The following KCNMB2 variants were observed in gnomAD, a reference collection of about 807,000 sequenced individuals.
The protein encoded by KCNMB2 is potassium calcium-activated channel subfamily M regulatory beta subunit 2.
A neutral mutation model predicts 24.5 loss-of-function variants in KCNMB2; 9 were observed. That is an observed-to-expected ratio of 0.37 (90% CI 0.22 to 0.64). KCNMB2 has a LOEUF of 0.64. Ranked by LOEUF, KCNMB2 falls within the 30% of genes least tolerant of loss-of-function variation. The pLI, the probability that KCNMB2 is intolerant of heterozygous loss-of-function variation, is 0.63. For missense variants in KCNMB2, 226 were observed against 284.3 expected (o/e 0.79, Z 1.47); for synonymous variants, 109 against 104.4 (o/e 1.04, Z -0.27).
intron 2 of KCNMB2, among the ~76,000 whole-genome samples, chr3:178,807,845 A>G (rs1714035738): frequency 6.6e-6 from 1 of 152,140 alleles, no homozygotes; most frequent in African/African-American, 2.4e-5. Context: ...CTCAATAAAT[A>G]CTGAGCACCA....
At chr3:178,630,710 T>C (rs1719289412) in intron 1 of KCNMB2, among the ~76,000 whole-genome samples, 1 of 152,210 alleles carries the variant, frequency 6.6e-6, no homozygotes, top group South Asian at 2.1e-4. Context: ...TTTCTTGTCT[T>C]CCCCATCTCT....
intron 1 of KCNMB2, among the ~76,000 whole-genome samples, chr3:178,631,757 T>G (rs1220057979): frequency 2.0e-5 from 3 of 152,222 alleles, no homozygotes; most frequent in Non-Finnish European, 4.4e-5. Context: ...TCAGCTTGTT[T>G]TGCCACTCCT....
Position 178,582,516 on chromosome 3 carries a change from G to GA in KCNMB2, c.-68+45812dup, listed in dbSNP as rs200669685. 7.0e-3 allele frequency among the ~76,000 whole-genome samples: 1,061 copies of GA among 151,954 alleles called. 12 individuals are homozygous for GA. The highest frequency in any genetic ancestry group is 0.024 in the African/African-American group (1,007 of 41,480). On this transcript the variant is annotated intron_variant, in intron 1 of 4. Transcript: ENST00000452583. ...CCAGAACTTAGAGTATAGAAAAATA[G>GA]AAAAAAATCAGATAAGGAGCATAAC...
At chr3:178,730,406 C>A (rs1723107813) in intron 1 of KCNMB2, among the ~76,000 whole-genome samples, 1 of 49,548 alleles carries the variant, frequency 2.0e-5, no homozygotes, top group South Asian at 7.5e-4. Flanking sequence ...TCCCCCAACA[C>A]CCCCCCACAC....
intron 1 of KCNMB2, among the ~76,000 whole-genome samples, chr3:178,633,433 G>A (rs1489543254): frequency 6.6e-6 from 1 of 152,220 alleles, no homozygotes; most frequent in Non-Finnish European, 1.5e-5. Context: ...CTTGACTTCT[G>A]TGCACCTGCA....
chr3:178,800,225 A>G (rs1713721869), intron 1 of KCNMB2, among the ~76,000 whole-genome samples: 1 of 152,158 alleles, frequency 6.6e-6, no homozygotes, highest in South Asian at 2.1e-4. Context: ...AAAAGAATCA[A>G]CAAAGTGAAG....
intron 1 of KCNMB2, among the ~76,000 whole-genome samples, chr3:178,630,995 T>A (rs909564097): frequency 2.0e-4 from 31 of 152,172 alleles, no homozygotes; most frequent in African/African-American, 7.2e-4. Flanking sequence ...TTCGAATATG[T>A]TAGGCATTAT....
chr3:178,707,417 G>A (rs971493634), intron 1 of KCNMB2, among the ~76,000 whole-genome samples: 1 of 152,066 alleles, frequency 6.6e-6, no homozygotes, highest in African/African-American at 2.4e-5. Flanking sequence ...GTTGCAGTTG[G>A]TACTCTGAAG....
chr3:178,717,596 A>G (rs1009386828), intron 1 of KCNMB2, among the ~76,000 whole-genome samples: 1 of 152,164 alleles, frequency 6.6e-6, no homozygotes, highest in Non-Finnish European at 1.5e-5. Context: ...ATTAAGTGTG[A>G]TAACTGACTC....
intron 1 of KCNMB2, among the ~76,000 whole-genome samples, chr3:178,586,031 T>C (rs1717416745): frequency 6.6e-6 from 1 of 152,186 alleles, no homozygotes; most frequent in Admixed American, 6.5e-5. Context: ...GAAAACTTAG[T>C]AAGATTGTAA....
chr3:178,838,150 T>C (rs552265327), intron 4 of KCNMB2, among the ~76,000 whole-genome samples: 1 of 152,308 alleles, frequency 6.6e-6, no homozygotes, highest in South Asian at 2.1e-4. Flanking sequence ...GTTAAAGAAA[T>C]GATCAGGGCA....
At chr3:178,689,518 C>T (rs1213258494) in intron 1 of KCNMB2, among the ~76,000 whole-genome samples, 1 of 152,010 alleles carries the variant, frequency 6.6e-6, no homozygotes, top group East Asian at 1.9e-4. Context: ...CGCCTGTAGA[C>T]CCAGCTACTC....
At chr3:178,789,286 T>C (rs1713230461) in intron 1 of KCNMB2, among the ~76,000 whole-genome samples, 1 of 152,166 alleles carries the variant, frequency 6.6e-6, no homozygotes, top group Non-Finnish European at 1.5e-5. Context: ...CACCACACCA[T>C]TGCCAGTCAG....
intron 1 of KCNMB2, among the ~76,000 whole-genome samples, chr3:178,734,508 G>T (rs1559994839): frequency 1.3e-5 from 2 of 152,194 alleles, no homozygotes; most frequent in Non-Finnish European, 2.9e-5. Context: ...GGTGCTTAGT[G>T]ATACTTGTAG....
intron 1 of KCNMB2, among the ~76,000 whole-genome samples, chr3:178,556,797 T>C (rs760426163): frequency 6.6e-6 from 1 of 151,798 alleles, no homozygotes; most frequent in Non-Finnish European, 1.5e-5. Flanking sequence ...AATTTTACAG[T>C]GGCAAGGGTG....
At chr3:178,672,476 A>G (rs1720932899) in intron 1 of KCNMB2, among the ~76,000 whole-genome samples, 1 of 152,218 alleles carries the variant, frequency 6.6e-6, no homozygotes, top group African/African-American at 2.4e-5. Context: ...CCTATGACTA[A>G]TAGTACATCC....
At chr3:178,588,880 T>A (rs1174787901) in intron 1 of KCNMB2, among the ~76,000 whole-genome samples, 7 of 152,066 alleles carry the variant, frequency 4.6e-5, no homozygotes, top group Non-Finnish European at 1.0e-4. Context: ...AAGTAATTTA[T>A]GAGATAATGG....
intron 2 of KCNMB2, among the ~76,000 whole-genome samples, chr3:178,817,044 A>G (rs925990435): frequency 1.1e-4 from 17 of 152,066 alleles, no homozygotes; most frequent in South Asian, 2.1e-4. Flanking sequence ...AGCTAAAGGC[A>G]GGACTAAAAA....
chr3:178,741,666 C>G (rs113554989), intron 1 of KCNMB2, among the ~76,000 whole-genome samples: 6 of 152,276 alleles, frequency 3.9e-5, no homozygotes, highest in African/African-American at 1.4e-4. Flanking sequence ...GACCAGGCGT[C>G]CACAACCTTC....
Sources: gnomAD v4.1 joint callset for allele counts (sites outside exome capture counted in the v4.1 genomes callset) on GRCh38, gnomAD v4.1.1 for gene constraint, MANE v1.5 for transcripts, NCBI Gene and HGNC (gene_info 2026-07-23, HGNC 2026-07-21) for gene names.